Variants in CCDC146 observed in about 807,000 individuals in gnomAD.
The protein encoded by CCDC146 is coiled-coil domain-containing protein 146.
CCDC146 carries 92 observed loss-of-function variants against 119.3 expected under a neutral mutation model. The observed-to-expected ratio is 0.77, with a 90% CI of 0.65 to 0.92. The LOEUF is 0.92. Among genes scored for constraint, CCDC146 ranks in the 40% least tolerant of loss-of-function variants. The pLI, the probability that CCDC146 is intolerant of heterozygous loss-of-function variation, is 0.00. For missense variants in CCDC146, 1,000 were observed against 1,103.0 expected (o/e 0.91, Z 1.32); for synonymous variants, 372 against 371.8 (o/e 1.00, Z -0.01).
At chr7:77,152,220 T>TATTG (rs1791117865) in intron 1 of CCDC146, among the ~76,000 whole-genome samples, 1 of 152,186 alleles carries the variant, frequency 6.6e-6, no homozygotes, top group South Asian at 2.1e-4. Flanking sequence ...AAATCAGAGA[T>TATTG]ATTTATTTAT....
chr7:77,214,696 T>A (rs555304322), intron 2 of CCDC146, among the ~76,000 whole-genome samples: 1 of 152,144 alleles, frequency 6.6e-6, no homozygotes, highest in South Asian at 2.1e-4. Context: ...GGACGTCCTT[T>A]CCCAATTGTT....
chr7:77,276,933 G>A (rs991118762), intron 11 of CCDC146, among the ~76,000 whole-genome samples: 69 of 152,130 alleles, frequency 4.5e-4, no homozygotes, highest in African/African-American at 7.5e-4. Flanking sequence ...TTAGCCTGGC[G>A]TGGTGGTGGG....
At chr7:77,172,213 TA>T (rs1268286505) in intron 2 of CCDC146, among the ~76,000 whole-genome samples, 1 of 152,250 alleles carries the variant, frequency 6.6e-6, no homozygotes, top group Non-Finnish European at 1.5e-5. Context: ...TTGGCATCTG[TA>T]AATTTATTTT....
At chr7:77,238,669 G>A (rs143480072) in intron 3 of CCDC146, among the ~76,000 whole-genome samples, 1,651 of 152,138 alleles carry the variant, frequency 0.011, 27 homozygotes, top group African/African-American at 0.038. Context: ...CTCACGCCTC[G>A]GCCTCCCAAA....
chr7:77,272,819 A>T (rs1370310714), intron 9 of CCDC146, among the ~76,000 whole-genome samples: 2 of 152,222 alleles, frequency 1.3e-5, no homozygotes, highest in East Asian at 3.8e-4. Context: ...ACGTCAACAC[A>T]GGAGAAAAGT....
intron 1 of CCDC146, among the ~76,000 whole-genome samples, chr7:77,145,231 A>G (rs1318069101): frequency 6.6e-6 from 1 of 151,464 alleles, no homozygotes; most frequent in Non-Finnish European, 1.5e-5. Flanking sequence ...TTCTCTGATG[A>G]TAGTTTGTAT....
At chr7:77,253,867 G>A (rs1475827293) in intron 4 of CCDC146, among the ~76,000 whole-genome samples, 1 of 152,222 alleles carries the variant, frequency 6.6e-6, no homozygotes, top group Non-Finnish European at 1.5e-5. Context: ...ACCAGCTGGA[G>A]GGATCAGATA....
In CCDC146 at chr7:77,199,943, G is replaced by T. The variant is rs1445907298; in HGVS notation, c.156+32119G>T. 5 of 868,570 alleles carry T rather than the reference G, an allele frequency of 5.8e-6. No homozygotes were observed. The Admixed American group carries it at 1.2e-4, about 21-fold the overall frequency. The allele number at this position is 868,570 out of a possible 1,614,324, so 53.8% of individuals were successfully genotyped here. On this transcript the variant is annotated intron_variant, in intron 2 of 18. Transcript: ENST00000285871. ...TAGAAACGCACAGGAAGAGGAGATA[G>T]CCCTCATCAAACGCAGTTTGCCAAA...
intron 2 of CCDC146, among the ~76,000 whole-genome samples, chr7:77,172,362 TG>T (rs1397985288): frequency 1.3e-5 from 2 of 152,224 alleles, no homozygotes; most frequent in African/African-American, 4.8e-5. Context: ...AAACAGAAAC[TG>T]TATCTGCAAA....
intron 2 of CCDC146, among the ~76,000 whole-genome samples, chr7:77,170,342 G>GTATA (rs200094115): frequency 6.6e-6 from 1 of 151,766 alleles, no homozygotes; most frequent in Non-Finnish European, 1.5e-5. Context: ...ATTCTGTGGT[G>GTATA]TATATATATA....
intron 5 of CCDC146, among the ~76,000 whole-genome samples, chr7:77,256,090 A>C (rs1478510090): frequency 6.9e-6 from 1 of 145,754 alleles, no homozygotes; most frequent in Non-Finnish European, 1.5e-5. Context: ...TAATAAAATA[A>C]TTCAAATATA....
chr7:77,237,199 C>A lies in CCDC146; in HGVS notation c.239+170C>A. 5.1e-6 allele frequency: 3 copies of A among 591,404 alleles called. No individual in the cohort carries two copies. The South Asian group carries it at 5.6e-5, about 11-fold the overall frequency. 36.6% of individuals were successfully genotyped at this position (591,404 alleles called of 1,614,324 possible). ...AGCATCGTGAGAGAGTGGGGAAGTG[C>A]GACTGGGAAGGAAGGAATCTAGCCT... is the stretch of plus-strand genomic sequence containing the variant. On this transcript the variant is annotated intron_variant, in intron 3 of 18. Coordinates refer to ENST00000285871, the MANE Select transcript of CCDC146 (RefSeq NM_020879.3).
At chr7:77,252,948 A>G (rs1470011880) in intron 4 of CCDC146, among the ~76,000 whole-genome samples, 1 of 152,170 alleles carries the variant, frequency 6.6e-6, no homozygotes, top group Non-Finnish European at 1.5e-5. Context: ...CTCCAATCCA[A>G]ATGCAAGGGA....
intron 13 of CCDC146, 23 bp downstream of exon 13, chr7:77,279,124 G>C (rs771441439): frequency 3.8e-6 from 6 of 1,598,804 alleles, no homozygotes; most frequent in East Asian, 4.5e-5. Flanking sequence ...ATAACTATTG[G>C]CCTTTCAAAG....
chr7:77,125,666 A>G (rs192904711), intron 1 of CCDC146, among the ~76,000 whole-genome samples: 1,656 of 152,194 alleles, frequency 0.011, 40 homozygotes, highest in African/African-American at 0.038. Context: ...AATGGACAGC[A>G]GAGGTCATAA....
intron 9 of CCDC146, among the ~76,000 whole-genome samples, chr7:77,269,582 G>A (rs1312023974): frequency 6.6e-6 from 1 of 152,190 alleles, no homozygotes; most frequent in Non-Finnish European, 1.5e-5. Context: ...GCCTTTGACC[G>A]AAGAGGAGTT....
intron 2 of CCDC146, chr7:77,194,885 A>G (rs1394767319): frequency 6.6e-6 from 1 of 152,164 alleles, no homozygotes; most frequent in Admixed American, 6.5e-5. Context: ...ATAGCATTCC[A>G]GAATTGATGA....
At chr7:77,190,923 T>C (rs1791751221) in intron 2 of CCDC146, among the ~76,000 whole-genome samples, 1 of 152,200 alleles carries the variant, frequency 6.6e-6, no homozygotes, top group Non-Finnish European at 1.5e-5. Context: ...TCAAAATTAT[T>C]CCTGCTTTTT....
intron 9 of CCDC146, among the ~76,000 whole-genome samples, chr7:77,273,251 G>A (rs375172102): frequency 6.6e-5 from 10 of 152,160 alleles, no homozygotes; most frequent in East Asian, 3.8e-4. Flanking sequence ...AAATAAGATC[G>A]TATACACAGG....
Sources: allele counts gnomAD v4.1 joint callset (sites outside exome capture counted in the v4.1 genomes callset), GRCh38; gene constraint gnomAD v4.1.1; transcripts MANE v1.5; gene names NCBI Gene and HGNC (gene_info 2026-07-23, HGNC 2026-07-21).